Variants in COBL observed in about 807,000 individuals in gnomAD.
COBL encodes the protein protein cordon-bleu.
Under a neutral mutation model 98.8 loss-of-function variants are expected in COBL, and 51 were observed. The ratio of observed to expected loss-of-function variants is 0.52; its 90% CI spans 0.41 to 0.65. The LOEUF (loss-of-function observed/expected upper bound fraction) is 0.65, where lower values mean the gene tolerates loss of function less well. Among genes scored for constraint, COBL ranks in the 30% least tolerant of loss-of-function variants. COBL has a pLI of 0.00. For missense variants in COBL, 1,617 were observed against 1,617.5 expected, an observed-to-expected ratio of 1.00 and a Z score of 0.01; for synonymous variants, 634 against 651.7, an observed-to-expected ratio of 0.97 and a Z score of 0.41.
chr7:51,104,061 T>C (rs74370634), intron 6 of COBL, among the ~76,000 whole-genome samples: 12,601 of 152,348 alleles, frequency 0.083, 751 homozygotes, highest in South Asian at 0.11. Context: ...CAGAAAAGTT[T>C]TGTGATTCAT....
At chr7:51,209,604 A>C (rs1329310381) in intron 2 of COBL, among the ~76,000 whole-genome samples, 2 of 152,192 alleles carry the variant, frequency 1.3e-5, no homozygotes, top group Admixed American at 6.5e-5. Flanking sequence ...CATAGCGAAC[A>C]GACTTCTTAA....
Position 51,125,828 on chromosome 7 carries a change from T to G in COBL, c.957+10330A>C, listed in dbSNP as rs150418444. Among the ~76,000 whole-genome samples the G allele has an allele frequency of 5.0e-3, 769 of 152,336 alleles. 4 individuals carry two copies. The highest frequency in any genetic ancestry group is 0.018 in the African/African-American group (735 of 41,562). On this transcript the variant is annotated intron_variant, in intron 6 of 12. Coordinates refer to ENST00000265136, the MANE Select transcript of COBL (RefSeq NM_015198.5). ...AACATCCGCGTACTCATTCAAGTCC[T>G]GTCTTCTGGGGCACTGAGACGTCAC...
chr7:51,197,322 T>G (rs1355535635), intron 2 of COBL, among the ~76,000 whole-genome samples: 1 of 152,152 alleles, frequency 6.6e-6, no homozygotes, highest in Admixed American at 6.5e-5. Flanking sequence ...TCCATGTAAT[T>G]GTATGGTTTT....
At position 51,043,708 on chromosome 7, in the gene COBL, C is replaced by G. The variant is rs747946189; in HGVS notation, c.1097-16G>C. The G allele has an allele frequency of 4.4e-6, 7 of 1,606,464 alleles. No individual in the cohort carries two copies. Among genetic ancestry groups the G allele is most frequent in the Middle Eastern group, 1.7e-4 (1 of 6,032 alleles). ...GGCAGGCTTACTGGACAAGACACGGCAAGGACAGGTCAGCCCAAACCACTC... is the reference window on the plus strand; with the variant it reads ...GGCAGGCTTACTGGACAAGACACGGGAAGGACAGGTCAGCCCAAACCACTC... On this transcript the variant is annotated splice_polypyrimidine_tract_variant and intron_variant, in intron 7 of 12. Transcript: ENST00000265136.
intron 6 of COBL, among the ~76,000 whole-genome samples, chr7:51,122,201 G>T (rs982012093): frequency 6.6e-6 from 1 of 152,180 alleles, no homozygotes; most frequent in Non-Finnish European, 1.5e-5. Flanking sequence ...GAGAGGAAAC[G>T]ATCCACAAAC....
chr7:51,096,490 G>A (rs1011458089), intron 6 of COBL, among the ~76,000 whole-genome samples: 2 of 151,922 alleles, frequency 1.3e-5, no homozygotes, highest in African/African-American at 4.8e-5. Flanking sequence ...ACATTTAATA[G>A]AAAGATTAAG....
intron 7 of COBL, among the ~76,000 whole-genome samples, chr7:51,063,013 C>T (rs1249569992): frequency 6.6e-6 from 1 of 152,208 alleles, no homozygotes; most frequent in East Asian, 1.9e-4. Flanking sequence ...GTAGGGGGCA[C>T]ACCTTCAGCA....
At chr7:51,041,190 T>C (rs1478699190) in intron 8 of COBL, among the ~76,000 whole-genome samples, 1 of 152,202 alleles carries the variant, frequency 6.6e-6, no homozygotes, top group Non-Finnish European at 1.5e-5. Flanking sequence ...ATTTCCTTTC[T>C]GATGAAATAT....
At chr7:51,283,891 C>T (rs1480852119) in intron 1 of COBL, among the ~76,000 whole-genome samples, 2 of 152,008 alleles carry the variant, frequency 1.3e-5, no homozygotes, top group East Asian at 3.9e-4. Context: ...AATGAAAAAA[C>T]ACCAATAACA....
chr7:51,122,371 C>T (rs758748051), intron 6 of COBL, among the ~76,000 whole-genome samples: 10 of 152,172 alleles, frequency 6.6e-5, no homozygotes, highest in Non-Finnish European at 1.3e-4. Context: ...ATGTTTGTGT[C>T]GGACAGGAAC....
intron 7 of COBL, among the ~76,000 whole-genome samples, chr7:51,068,397 T>C (rs1792174759): frequency 6.6e-6 from 1 of 152,232 alleles, no homozygotes; most frequent in African/African-American, 2.4e-5. Flanking sequence ...CTTAATGTTC[T>C]CCTTTTAAAC....
At chr7:51,156,343 T>C (rs866495509) in intron 5 of COBL, 17 of 985,396 alleles carry the variant, frequency 1.7e-5, no homozygotes, top group Middle Eastern at 5.2e-4. Context: ...TTTATCAAAT[T>C]ATCTCAGTTT....
At chr7:51,153,902 T>C (rs1242134592) in intron 5 of COBL, among the ~76,000 whole-genome samples, 1 of 152,188 alleles carries the variant, frequency 6.6e-6, no homozygotes, top group Non-Finnish European at 1.5e-5. Context: ...TTCTCGCCAA[T>C]AAAATGAGAC....
At position 51,134,096 on chromosome 7, in the gene COBL, C is replaced by T. The variant is rs570735445; in HGVS notation, c.957+2062G>A. ...TAAATAAGGCTTCCCAAACAAACATCTTATCTTTATATGGAAGGAAGTTCA... is the reference window on the plus strand; with the variant it reads ...TAAATAAGGCTTCCCAAACAAACATTTTATCTTTATATGGAAGGAAGTTCA... On this transcript the variant is annotated intron_variant, in intron 6 of 12. Coordinates refer to ENST00000265136, the MANE Select transcript of COBL (RefSeq NM_015198.5). Among the ~76,000 whole-genome samples the T allele has an allele frequency of 1.6e-4, 24 of 152,316 alleles. No homozygotes were observed. The South Asian group carries it at 4.8e-3, about 30-fold the overall frequency.
chr7:51,061,250 A>G (rs1462691351), intron 7 of COBL, among the ~76,000 whole-genome samples: 2 of 152,224 alleles, frequency 1.3e-5, no homozygotes, highest in East Asian at 1.9e-4. Flanking sequence ...GTGTGTGTAT[A>G]TATGTATATA....
rs998542414 is a variant in COBL, at chr7:51,016,313, A to C, written c.*1238T>G. The C allele has an allele frequency of 2.6e-5, 4 of 152,194 alleles. No individual in the cohort carries two copies. The highest frequency in any genetic ancestry group is 1.3e-4 in the Admixed American group (2 of 15,286). 9.4% of individuals were successfully genotyped at this position (152,194 alleles called of 1,614,324 possible). On this transcript the variant is annotated 3_prime_UTR_variant, in exon 13 of 13. Transcript: ENST00000265136. Reference sequence around the variant, plus strand: ...GCCTCACCAAGAGTTTAGCAACGTTAATCAGTGAATGCAGAACAGCTTCCA... The same window carrying C: ...GCCTCACCAAGAGTTTAGCAACGTTCATCAGTGAATGCAGAACAGCTTCCA...
intron 7 of COBL, among the ~76,000 whole-genome samples, chr7:51,077,476 G>T (rs1315896376): frequency 2.0e-5 from 3 of 152,218 alleles, no homozygotes; most frequent in Non-Finnish European, 4.4e-5. Flanking sequence ...AGAAATCTCA[G>T]TTCTATACAA....
At chr7:51,083,820 C>T (rs1173466287) in intron 7 of COBL, among the ~76,000 whole-genome samples, 2 of 152,164 alleles carry the variant, frequency 1.3e-5, no homozygotes, top group Non-Finnish European at 2.9e-5. Context: ...ACATGGGACA[C>T]AAGGACTCAG....
intron 2 of COBL, among the ~76,000 whole-genome samples, chr7:51,211,235 C>T (rs1018569676): frequency 5.3e-5 from 8 of 152,146 alleles, no homozygotes; most frequent in African/African-American, 1.2e-4. Context: ...CAGCTTTGCC[C>T]ATTGATTAGG....
Sources: gnomAD v4.1 joint callset for allele counts (sites outside exome capture counted in the v4.1 genomes callset) on GRCh38, gnomAD v4.1.1 for gene constraint, MANE v1.5 for transcripts, NCBI Gene and HGNC (gene_info 2026-07-23, HGNC 2026-07-21) for gene names.